The following WDPCP variants were observed in gnomAD, a reference collection of about 807,000 sequenced individuals.
The protein encoded by WDPCP is WD repeat-containing and planar cell polarity effector protein fritz homolog.
Under a neutral mutation model 93.1 loss-of-function variants are expected in WDPCP, and 71 were observed. That is an observed-to-expected ratio of 0.76 (90% CI 0.63 to 0.93). The LOEUF (loss-of-function observed/expected upper bound fraction) is 0.93. Ranked by LOEUF, WDPCP falls within the 40% of genes least tolerant of loss-of-function variation. The pLI is 0.00. For missense variants in WDPCP, 844 were observed against 887.4 expected (o/e 0.95, Z 0.62); for synonymous variants, 315 against 315.0 (o/e 1.00, Z 0.00).
chr2:63,164,738 A>G (rs1205949905), intron 15 of WDPCP, among the ~76,000 whole-genome samples: 1 of 152,214 alleles, frequency 6.6e-6, no homozygotes, highest in African/African-American at 2.4e-5. Flanking sequence ...GTGTATGTAT[A>G]AAGACGTAAT....
intron 14 of WDPCP, chr2:63,229,188 G>A (rs1678596670): frequency 1.3e-5 from 2 of 152,184 alleles, no homozygotes; most frequent in Non-Finnish European, 2.9e-5. Flanking sequence ...GGCCAGTGAT[G>A]ATGAGCATTT....
chr2:63,182,724 G>A (rs970211150), intron 14 of WDPCP, among the ~76,000 whole-genome samples: 13 of 149,264 alleles, frequency 8.7e-5, no homozygotes, highest in Non-Finnish European at 1.6e-4. Flanking sequence ...ATTGGTACCA[G>A]TTCTTTGTAG....
chr2:63,793,248 T>C (rs1320080821), intron 2 of WDPCP, among the ~76,000 whole-genome samples: 1 of 151,988 alleles, frequency 6.6e-6, no homozygotes, highest in Non-Finnish European at 1.5e-5. Context: ...CAGCCTCCTG[T>C]GTAGCTGGGA....
At chr2:63,189,026 GT>G (rs2104197990) in intron 14 of WDPCP, among the ~76,000 whole-genome samples, 1 of 152,230 alleles carries the variant, frequency 6.6e-6, no homozygotes, top group Admixed American at 6.5e-5. Flanking sequence ...GGGGTTGTAT[GT>G]TTACTTTTAG....
At chr2:63,589,218 G>C, upstream of WDPCP, 3 of 1,572,558 alleles carry the variant, frequency 1.9e-6, no homozygotes, top group South Asian at 2.3e-5. Flanking sequence ...GTAATGGGAA[G>C]GGATTGATTT....
rs553715203 is a variant in WDPCP at position 63,573,213 on chromosome 2, A to G, written c.75+14984T>C. ...AGCCATGATCATGCCACTGAACTTT[A>G]GCCTGAGCAACAGAGCAAGACCTGC... On this transcript the variant is annotated intron_variant, in intron 1 of 17. Transcript: ENST00000272321. Among the ~76,000 whole-genome samples the G allele has an allele frequency of 1.5e-4, 23 of 151,988 alleles. No homozygotes were observed. In the South Asian group the frequency reaches 2.7e-3, roughly 18 times the overall value.
chr2:63,512,276 C>T (rs1174481276), intron 1 of WDPCP, among the ~76,000 whole-genome samples: 1 of 152,172 alleles, frequency 6.6e-6, no homozygotes, highest in African/African-American at 2.4e-5. Flanking sequence ...AACAGGAACG[C>T]TTTTACACTG....
chr2:63,797,172 T>G (rs1481257433), intron 2 of WDPCP, among the ~76,000 whole-genome samples: 1 of 152,110 alleles, frequency 6.6e-6, no homozygotes, highest in Non-Finnish European at 1.5e-5. Context: ...CTCTGAATAA[T>G]CAGCAGCACT....
chr2:63,468,456 C>T (rs1425626194), intron 6 of WDPCP, among the ~76,000 whole-genome samples: 2 of 152,202 alleles, frequency 1.3e-5, no homozygotes, highest in Non-Finnish European at 2.9e-5. Flanking sequence ...AGCCTCTCAT[C>T]CCACTCTCAA....
At chr2:63,603,655 C>CTTTTTTTTTTTTTT (rs11297982) in intron 3 of WDPCP, among the ~76,000 whole-genome samples, 1 of 99,114 alleles carries the variant, frequency 1.0e-5, no homozygotes, top group Non-Finnish European at 1.9e-5. Flanking sequence ...CAAGACATTT[C>CTTTTTTTTTTTTTT]TTTTTTTTTT....
intron 2 of WDPCP, among the ~76,000 whole-genome samples, chr2:63,765,293 T>C (rs961612493): frequency 2.6e-5 from 4 of 151,558 alleles, no homozygotes; most frequent in Admixed American, 6.6e-5. Flanking sequence ...GGCAAGAGGG[T>C]GGGGGCAGTA....
intron 1 of WDPCP, among the ~76,000 whole-genome samples, chr2:63,527,364 T>A (rs1575584748): frequency 1.1e-5 from 1 of 90,268 alleles, no homozygotes. Flanking sequence ...ATGCTCTCCC[T>A]CCCCCCACCC....
intron 10 of WDPCP, among the ~76,000 whole-genome samples, chr2:63,383,616 A>C (rs1423668890): frequency 2.0e-5 from 3 of 152,108 alleles, no homozygotes; most frequent in Non-Finnish European, 4.4e-5. Flanking sequence ...GGGAGGCTGC[A>C]GCAGGAGAAT....
At chr2:63,557,028 T>C (rs1706181470) in intron 1 of WDPCP, among the ~76,000 whole-genome samples, 1 of 152,004 alleles carries the variant, frequency 6.6e-6, no homozygotes, top group Admixed American at 6.6e-5. Flanking sequence ...GCACTAAATA[T>C]GGAAAGGAAA....
intron 1 of WDPCP, among the ~76,000 whole-genome samples, chr2:63,558,421 G>A (rs910749877): frequency 6.6e-6 from 1 of 151,926 alleles, no homozygotes; most frequent in East Asian, 1.9e-4. Context: ...CCAGCTACTT[G>A]GGAGGCTTGA....
chr2:63,731,199 G>A (rs1669556039), intron 2 of WDPCP, among the ~76,000 whole-genome samples: 1 of 151,486 alleles, frequency 6.6e-6, no homozygotes, highest in South Asian at 2.1e-4. Context: ...AATCCGGGAG[G>A]CGGAGGTTGC....
chr2:63,769,200 T>C (rs1284420748), intron 2 of WDPCP, among the ~76,000 whole-genome samples: 3 of 151,936 alleles, frequency 2.0e-5, no homozygotes, highest in Non-Finnish European at 2.9e-5. Flanking sequence ...AATGAATACA[T>C]TGCCAGTGGG....
intron 2 of WDPCP, among the ~76,000 whole-genome samples, chr2:63,700,975 G>A (rs890473233): frequency 1.3e-5 from 2 of 152,154 alleles, no homozygotes; most frequent in African/African-American, 4.8e-5. Context: ...AATTTTTGGT[G>A]TAAGACTTCA....
chr2:63,200,923 G>A (rs946855052), intron 14 of WDPCP, among the ~76,000 whole-genome samples: 4 of 152,102 alleles, frequency 2.6e-5, no homozygotes, highest in African/African-American at 7.2e-5. Context: ...AGGCATGATT[G>A]TGTTTTGAAA....
Sources: gnomAD v4.1 joint callset for allele counts (sites outside exome capture counted in the v4.1 genomes callset) on GRCh38, gnomAD v4.1.1 for gene constraint, MANE v1.5 for transcripts, NCBI Gene and HGNC (gene_info 2026-07-23, HGNC 2026-07-21) for gene names.